The following CELF2 variants were observed in gnomAD, a reference collection of about 807,000 sequenced individuals.
CELF2 encodes CUG triplet repeat RNA-binding protein 2.
Under a neutral mutation model 62.6 loss-of-function variants are expected in CELF2, and 8 were observed. The observed-to-expected ratio is 0.13, with a 90% CI of 0.07 to 0.23. CELF2 has a LOEUF of 0.23. Among genes scored for constraint, CELF2 ranks in the 10% least tolerant of loss-of-function variants. CELF2 has a pLI of 1.00. For synonymous variants in CELF2, 258 were observed against 250.0 expected (o/e 1.03, Z -0.30); for missense variants, 333 against 671.0 (o/e 0.50, Z 5.56).
At chr10:10,855,808 G>C (rs2059670397) in intron 1 of CELF2, among the ~76,000 whole-genome samples, 1 of 152,160 alleles carries the variant, frequency 6.6e-6, no homozygotes, top group Non-Finnish European at 1.5e-5. Flanking sequence ...CTATGTGCCA[G>C]TAAAACCAAC....
intron 2 of CELF2, among the ~76,000 whole-genome samples, chr10:10,932,497 CA>C (rs1170096745): frequency 2.6e-4 from 40 of 152,014 alleles, no homozygotes; most frequent in Non-Finnish European, 5.6e-4. Flanking sequence ...ATCAAGACAT[CA>C]CAATGTACCC....
At chr10:11,208,635 G>T (rs140712947) in intron 2 of CELF2, among the ~76,000 whole-genome samples, 76 of 152,350 alleles carry the variant, frequency 5.0e-4, no homozygotes, top group African/African-American at 1.8e-3. Flanking sequence ...GTAGGTCAGA[G>T]AATTTGTTTC....
chr10:10,616,687 T>TGC, the CELF2 span, among the ~76,000 whole-genome samples: 2 of 132,212 alleles, frequency 1.5e-5, no homozygotes, highest in South Asian at 2.7e-4. Context: ...TGTGTGTGTG[T>TGC]GTGCGTGTGT....
the CELF2 span, among the ~76,000 whole-genome samples, chr10:10,570,563 G>T: frequency 6.6e-6 from 1 of 152,094 alleles, no homozygotes; most frequent in Non-Finnish European, 1.5e-5. Context: ...GGATATGAAA[G>T]AGACCCACTT....
the CELF2 span, among the ~76,000 whole-genome samples, chr10:10,639,451 A>C: frequency 6.6e-6 from 1 of 152,178 alleles, no homozygotes; most frequent in Non-Finnish European, 1.5e-5. Flanking sequence ...TTAACAAGTA[A>C]ATTTTATAAA....
At chr10:11,063,162 A>G (rs903649271) in intron 1 of CELF2, among the ~76,000 whole-genome samples, 1 of 152,242 alleles carries the variant, frequency 6.6e-6, no homozygotes, top group Non-Finnish European at 1.5e-5. Flanking sequence ...TGGGAAACCA[A>G]AAAATTCATG....
chr10:10,539,862 T>C, the CELF2 span, among the ~76,000 whole-genome samples: 1 of 152,238 alleles, frequency 6.6e-6, no homozygotes, highest in African/African-American at 2.4e-5. Flanking sequence ...AAGCAGAAAG[T>C]AAGACGATAA....
intron 2 of CELF2, among the ~76,000 whole-genome samples, chr10:11,173,203 A>G (rs1214019394): frequency 6.6e-6 from 1 of 152,232 alleles, no homozygotes; most frequent in Non-Finnish European, 1.5e-5. Context: ...CCGTGGGGGC[A>G]TTAGGCAACC....
chr10:10,519,092 A>G, the CELF2 span, among the ~76,000 whole-genome samples: 2 of 152,226 alleles, frequency 1.3e-5, no homozygotes, highest in Non-Finnish European at 1.5e-5. Context: ...TTGGATTTTC[A>G]GGGAGGTGAC....
At position 11,290,586 on chromosome 10, in the gene CELF2, G is replaced by A. The variant is rs935638124; in HGVS notation, c.976+2034G>A. ...TAGGGCGACGGCCTAGGTGTTAGTCGGAAAGGAATTTTAAATGTATGTGAC... is the reference window on the plus strand; with the variant it reads ...TAGGGCGACGGCCTAGGTGTTAGTCAGAAAGGAATTTTAAATGTATGTGAC... On this transcript the variant is annotated intron_variant, in intron 9 of 12. Coordinates refer to ENST00000633077, the MANE Select transcript of CELF2 (RefSeq NM_001326342.2). This position sits in a 1 kb window ranked among gnomAD's most constrained non-coding sequence, Gnocchi z 4.3. Among the ~76,000 whole-genome samples the A allele has an allele frequency of 2.0e-5, 3 of 151,758 alleles. No individual in the cohort carries two copies. The highest frequency in any genetic ancestry group is 4.4e-5 in the Non-Finnish European group (3 of 67,982).
chr10:10,933,595 C>G (rs1442979764), intron 2 of CELF2, among the ~76,000 whole-genome samples: 2 of 152,136 alleles, frequency 1.3e-5, no homozygotes, highest in Admixed American at 6.5e-5. Flanking sequence ...GTGCCCTCCT[C>G]TCATCCCCAC....
At chr10:10,892,647 C>T (rs949846634) in intron 1 of CELF2, among the ~76,000 whole-genome samples, 18 of 152,270 alleles carry the variant, frequency 1.2e-4, no homozygotes, top group Non-Finnish European at 2.2e-4. Context: ...AAAATAAGTT[C>T]CCATTGTGAT....
intron 1 of CELF2, chr10:10,919,878 T>C (rs1362036207): frequency 3.4e-6 from 3 of 891,068 alleles, no homozygotes; most frequent in Non-Finnish European, 4.4e-6. Flanking sequence ...CCTGATACCA[T>C]AATACTTATT....
At position 11,161,022 on chromosome 10, in the gene CELF2, A is replaced by G. The variant is rs374020335; in HGVS notation, c.75-4464A>G. Among the ~76,000 whole-genome samples the G allele has an allele frequency of 4.1e-4, 62 of 152,366 alleles. 1 individual carries two copies. The South Asian group carries it at 8.9e-3, about 22-fold the overall frequency. On this transcript the variant is annotated intron_variant, in intron 1 of 12. Coordinates refer to ENST00000633077, the MANE Select transcript of CELF2 (RefSeq NM_001326342.2). ...TGTTGTCCTAAAACTAGTAAAAATA[A>G]TATGTTGAATCAATTATTATAATAG...
chr10:10,489,751 C>G, the CELF2 span, among the ~76,000 whole-genome samples: 3 of 151,550 alleles, frequency 2.0e-5, no homozygotes, highest in Non-Finnish European at 4.4e-5. Flanking sequence ...GTGGCCTATC[C>G]TTAAAACAAA....
chr10:11,283,991 G>A (rs541318870), intron 8 of CELF2, among the ~76,000 whole-genome samples: 54 of 142,762 alleles, frequency 3.8e-4, no homozygotes, highest in Middle Eastern at 4.0e-3. Context: ...AGTGTGTGGT[G>A]AGTGGATGAG....
chr10:10,788,175 AC>A, the CELF2 span, among the ~76,000 whole-genome samples: 1 of 152,202 alleles, frequency 6.6e-6, no homozygotes, highest in South Asian at 2.1e-4. Flanking sequence ...AAATGTTTGT[AC>A]AAATAACAAC....
chr10:10,497,368 T>C, the CELF2 span, among the ~76,000 whole-genome samples: 1 of 151,940 alleles, frequency 6.6e-6, no homozygotes, highest in South Asian at 2.1e-4. Context: ...CATGCAAAAA[T>C]ATTTACTGCA....
chr10:10,587,978 C>A, the CELF2 span, among the ~76,000 whole-genome samples: 1 of 151,762 alleles, frequency 6.6e-6, no homozygotes, highest in East Asian at 1.9e-4. Flanking sequence ...TCCGCCCACT[C>A]ACCAAGAAGG....
Sources: gnomAD v4.1 joint callset for allele counts (sites outside exome capture counted in the v4.1 genomes callset) on GRCh38, gnomAD v4.1.1 for gene constraint, Gnocchi (gnomAD v3.1) non-coding constraint, MANE v1.5 for transcripts, NCBI Gene and HGNC (gene_info 2026-07-23, HGNC 2026-07-21) for gene names.